Variants in MARCHF10 observed in about 807,000 individuals in gnomAD.
MARCHF10 encodes membrane associated ring-CH-type finger 10.
A neutral mutation model predicts 76.2 loss-of-function variants in MARCHF10; 64 were observed. That is an observed-to-expected ratio of 0.84 (90% confidence interval 0.69 to 1.03). The LOEUF is 1.03. Among genes scored for constraint, MARCHF10 ranks in the 50% least tolerant of loss-of-function variants. The probability of loss-of-function intolerance (pLI) is 0.00; values close to 1 mark genes in which losing one functional copy is unlikely to be tolerated. For missense variants in MARCHF10, 875 were observed against 958.0 expected, an observed-to-expected ratio of 0.91 and a Z score of 1.14; for synonymous variants, 340 against 357.5, an observed-to-expected ratio of 0.95 and a Z score of 0.55.
At chr17:62,722,729 G>T in intron 7 of MARCHF10, 132 bp from the exon 8 acceptor site, 1 of 654,298 alleles carries the variant, frequency 1.5e-6, no homozygotes, top group Non-Finnish European at 2.5e-6. Context: ...TTCCTTTAAA[G>T]CCAGCCATCT....
At chr17:62,807,699 G>A (rs2093183735) in intron 1 of MARCHF10, among the ~76,000 whole-genome samples, 1 of 151,986 alleles carries the variant, frequency 6.6e-6, no homozygotes, top group Non-Finnish European at 1.5e-5. Context: ...GGAGGTCGAG[G>A]CTGCAGTGAG....
intron 4 of MARCHF10, among the ~76,000 whole-genome samples, chr17:62,753,546 A>G (rs1168002813): frequency 6.6e-6 from 1 of 152,202 alleles, no homozygotes; most frequent in Non-Finnish European, 1.5e-5. Context: ...GGTTTCTGCT[A>G]CTTGCCTGGG....
chr17:62,705,603 G>T lies in MARCHF10; in HGVS notation c.2329-22C>A, dbSNP rs138118884. Reference sequence around the variant, plus strand: ...ACAACTACAAGAAAGAAGACAATGAGAAATGAATTGTTTTTTCCAATACGA... The same window carrying T: ...ACAACTACAAGAAAGAAGACAATGATAAATGAATTGTTTTTTCCAATACGA... On this transcript the variant is annotated intron_variant, in intron 9 of 10. Transcript: ENST00000311269. 5.5e-3 allele frequency: 8,944 copies of T among 1,613,006 alleles called. 33 individuals are homozygous for T. Among genetic ancestry groups the T allele is most frequent in the Non-Finnish European group, 7.0e-3 (8,302 of 1,179,614 alleles).
intron 10 of MARCHF10, chr17:62,704,946 GTTTTTT>G: frequency 9.6e-6 from 8 of 837,088 alleles, no homozygotes; most frequent in Non-Finnish European, 1.1e-5. Flanking sequence ...TTCTCCAGTC[GTTTTTT>G]TTTTTTTTTA....
intron 3 of MARCHF10, among the ~76,000 whole-genome samples, chr17:62,770,851 C>CTTT (rs35064058): frequency 0.017 from 1,414 of 83,546 alleles, 22 homozygotes; most frequent in Non-Finnish European, 0.019. Context: ...TGTATTTTGA[C>CTTT]TTTTTTTTTT....
chr17:62,727,755 TATG>T (rs1206215957), intron 6 of MARCHF10, among the ~76,000 whole-genome samples: 1 of 152,108 alleles, frequency 6.6e-6, no homozygotes. Context: ...TCGATGAAGA[TATG>T]ATGATATTGA....
At chr17:62,774,781 C>T (rs781455154) in intron 3 of MARCHF10, among the ~76,000 whole-genome samples, 3 of 152,088 alleles carry the variant, frequency 2.0e-5, no homozygotes, top group Non-Finnish European at 4.4e-5. Context: ...AAAGGCCGGG[C>T]ATGGTGGCTC....
chr17:62,711,480 G>C lies in MARCHF10; in HGVS notation c.2215-136C>G, dbSNP rs975251541. 1 of 765,870 alleles carries C rather than the reference G, an allele frequency of 1.3e-6. No individual in the cohort carries two copies. The highest frequency in any genetic ancestry group is 2.1e-6 in the Non-Finnish European group (1 of 465,646). The allele number at this position is 765,870 out of a possible 1,614,324, so 47.4% of individuals were successfully genotyped here. On this transcript the variant is annotated intron_variant, in intron 8 of 10. Transcript: ENST00000311269. The surrounding 1 kb of genome is among the most constrained non-coding windows in gnomAD (Gnocchi z 4.4). ...AAGCTCCAAGGCAAGGCCTGCTCTTGGGGACCAGAAGACAGAGCAGGAGGA... is the reference window on the plus strand; with the variant it reads ...AAGCTCCAAGGCAAGGCCTGCTCTTCGGGACCAGAAGACAGAGCAGGAGGA...
intron 2 of MARCHF10, among the ~76,000 whole-genome samples, chr17:62,792,379 T>C (rs1163445751): frequency 6.6e-6 from 1 of 152,032 alleles, no homozygotes; most frequent in Non-Finnish European, 1.5e-5. Flanking sequence ...TAAGAGGAAG[T>C]TGCAGATTGT....
At chr17:62,784,197 C>T (rs1211002321) in intron 3 of MARCHF10, among the ~76,000 whole-genome samples, 1 of 152,332 alleles carries the variant, frequency 6.6e-6, no homozygotes, top group East Asian at 1.9e-4. Flanking sequence ...CGCTTCATCC[C>T]TGGGATGCAA....
chr17:62,703,732 G>T (rs758950975), intron 10 of MARCHF10, among the ~76,000 whole-genome samples: 30 of 152,254 alleles, frequency 2.0e-4, no homozygotes, highest in Non-Finnish European at 3.7e-4. Context: ...CCCTCTGTGG[G>T]ACCATTTGCC....
At chr17:62,732,866 G>A (rs562003129) in intron 6 of MARCHF10, among the ~76,000 whole-genome samples, 2 of 151,688 alleles carry the variant, frequency 1.3e-5, no homozygotes, top group Non-Finnish European at 2.9e-5. Flanking sequence ...GGTGGTGCAC[G>A]CCTGTAATCC....
intron 4 of MARCHF10, among the ~76,000 whole-genome samples, chr17:62,759,604 G>C (rs557418292): frequency 6.6e-6 from 1 of 151,990 alleles, no homozygotes; most frequent in Non-Finnish European, 1.5e-5. Context: ...TCAGCCTCCC[G>C]AGTAGCTGGG....
At chr17:62,806,878 C>A (rs76417914) in intron 1 of MARCHF10, among the ~76,000 whole-genome samples, 13 of 152,156 alleles carry the variant, frequency 8.5e-5, no homozygotes, top group Non-Finnish European at 1.8e-4. Flanking sequence ...TTTGAAGGAG[C>A]CTGTTCTTAA....
At chr17:62,715,023 A>T (rs1383815171) in intron 8 of MARCHF10, among the ~76,000 whole-genome samples, 1 of 152,206 alleles carries the variant, frequency 6.6e-6, no homozygotes, top group African/African-American at 2.4e-5. Flanking sequence ...TTGCGATTAC[A>T]GGCGTGAGTC....
intron 6 of MARCHF10, among the ~76,000 whole-genome samples, chr17:62,732,955 T>G (rs1434695691): frequency 7.6e-6 from 1 of 131,376 alleles, no homozygotes; most frequent in Non-Finnish European, 1.5e-5. Flanking sequence ...ATCACACCAC[T>G]GCACTTCAGC....
chr17:62,801,294 G>A (rs2093068006), intron 2 of MARCHF10, among the ~76,000 whole-genome samples: 1 of 152,028 alleles, frequency 6.6e-6, no homozygotes, highest in Non-Finnish European at 1.5e-5. Context: ...GAGTAGCTGG[G>A]ACTACAGTGC....
intron 1 of MARCHF10, among the ~76,000 whole-genome samples, chr17:62,805,290 CTT>C (rs953393786): frequency 2.0e-5 from 3 of 152,208 alleles, no homozygotes; most frequent in Admixed American, 2.0e-4. Context: ...CCTTTGCACT[CTT>C]TTCAGAAAAC....
chr17:62,778,056 T>C (rs1171261049), intron 3 of MARCHF10, among the ~76,000 whole-genome samples: 2 of 152,214 alleles, frequency 1.3e-5, no homozygotes, highest in East Asian at 3.8e-4. Flanking sequence ...CCTCCTCTTT[T>C]GACTAGCTCC....
Sources: gnomAD v4.1 joint callset for allele counts (sites outside exome capture counted in the v4.1 genomes callset) on GRCh38, gnomAD v4.1.1 for gene constraint, Gnocchi (gnomAD v3.1) non-coding constraint, MANE v1.5 for transcripts, NCBI Gene and HGNC (gene_info 2026-07-23, HGNC 2026-07-21) for gene names.